Variants in ZNF678 observed in about 807,000 individuals in gnomAD.
ZNF678 encodes hypothetical protein MGC42493.
ZNF678 carries 5 observed loss-of-function variants against 3.0 expected under a neutral mutation model. The ratio of observed to expected loss-of-function variants is 1.69; its 90% CI spans 0.88 to 3.56. The LOEUF (loss-of-function observed/expected upper bound fraction) is 3.56. Among genes scored for constraint, ZNF678 ranks in the 30% most tolerant of loss-of-function variants. The probability of loss-of-function intolerance (pLI) is 0.00; values close to 1 mark genes in which losing one functional copy is unlikely to be tolerated. For missense variants in ZNF678, 593 were observed against 605.0 expected (o/e 0.98, Z 0.21); for synonymous variants, 218 against 199.6 (o/e 1.09, Z -0.78).
intron 1 of ZNF678, among the ~76,000 whole-genome samples, chr1:227,601,853 A>G (rs1215376871): frequency 6.6e-6 from 1 of 152,176 alleles, no homozygotes; most frequent in East Asian, 1.9e-4. Flanking sequence ...GTGAGCCACC[A>G]TGCCTGGCTT....
intron 1 of ZNF678, among the ~76,000 whole-genome samples, chr1:227,586,692 A>C (rs1325420117): frequency 1.3e-5 from 2 of 151,852 alleles, no homozygotes; most frequent in Non-Finnish European, 2.9e-5. Context: ...TGCAAGCACC[A>C]CTCCCTCTGT....
intron 1 of ZNF678, among the ~76,000 whole-genome samples, chr1:227,575,489 A>C (rs1656964183): frequency 6.6e-6 from 1 of 151,120 alleles, no homozygotes; most frequent in South Asian, 2.1e-4. Context: ...TAGGGATGTT[A>C]CTCTTTTTTG....
intron 1 of ZNF678, among the ~76,000 whole-genome samples, chr1:227,600,690 G>A (rs79367913): frequency 0.2 from 29,607 of 151,340 alleles, 3,050 homozygotes; most frequent in East Asian, 0.26. Flanking sequence ...TGAGACGTTT[G>A]TCAGATACAT....
intron 1 of ZNF678, among the ~76,000 whole-genome samples, chr1:227,636,303 T>G (rs1292255034): frequency 6.6e-6 from 1 of 152,200 alleles, no homozygotes; most frequent in African/African-American, 2.4e-5. Context: ...CTAGAACCGT[T>G]TTTCTGTTAT....
At chr1:227,617,897 G>T (rs1201530677) in intron 1 of ZNF678, among the ~76,000 whole-genome samples, 1 of 152,136 alleles carries the variant, frequency 6.6e-6, no homozygotes, top group African/African-American at 2.4e-5. Context: ...ATACTGGTCA[G>T]CGTCTCTCTC....
rs567104695 is a variant in ZNF678 at position 227,567,717 on chromosome 1, T to A, written c.-164+3993T>A. ...TTTTGATTTTTTATTTTTATTTTTT[T>A]ATTTTTTTTCCTCCAGAATTTTTCT... On this transcript the variant is annotated intron_variant, in intron 1 of 3. Transcript: ENST00000343776. 9.2e-5 allele frequency among the ~76,000 whole-genome samples: 14 copies of A among 152,234 alleles called. No homozygotes were observed. The East Asian group carries it at 2.1e-3, about 23-fold the overall frequency.
At position 227,655,526 on chromosome 1, in the gene ZNF678, A is replaced by G; in HGVS notation, c.1276A>G (p.Ile426Val). ...CTCTCACCTAACTAGCCATAAGAGA[A>G]TTCATACTGGAGAGAAACCCTACAA... ...QCSHLTSHKR[I>V]HTGEKPYKCK... Residue 426 changes from isoleucine (I) to valine (V), a missense_variant, in exon 4 of 4, where the codon ATT becomes GTT. Coordinates refer to ENST00000343776, the MANE Select transcript of ZNF678 (RefSeq NM_001367909.1). 2 of 1,612,764 alleles carry G rather than the reference A, an allele frequency of 1.2e-6. No individual in the cohort carries two copies. Among genetic ancestry groups the G allele is most frequent in the Non-Finnish European group, 1.7e-6 (2 of 1,179,380 alleles).
intron 1 of ZNF678, among the ~76,000 whole-genome samples, chr1:227,592,381 G>C (rs1657439366): frequency 6.6e-6 from 1 of 152,184 alleles, no homozygotes; most frequent in Admixed American, 6.5e-5. Flanking sequence ...AGACATGGGG[G>C]CCAGACTTTG....
chr1:227,629,580 A>G (rs1167512682), intron 1 of ZNF678, among the ~76,000 whole-genome samples: 4 of 152,238 alleles, frequency 2.6e-5, no homozygotes, highest in Non-Finnish European at 5.9e-5. Context: ...AGGCCGTGCC[A>G]GTGTCCAGGA....
intron 5 of ZNF678, among the ~76,000 whole-genome samples, chr1:227,669,172 CA>C (rs1422488520): frequency 6.7e-6 from 1 of 149,666 alleles, no homozygotes; most frequent in African/African-American, 2.4e-5. Context: ...CTGCATCCAA[CA>C]AAGGTCTAAT....
At chr1:227,625,281 C>T (rs1279761477) in intron 1 of ZNF678, among the ~76,000 whole-genome samples, 3 of 152,118 alleles carry the variant, frequency 2.0e-5, no homozygotes, top group African/African-American at 7.2e-5. Context: ...TCTCAGTACC[C>T]CCTCTCAACA....
chr1:227,626,014 G>A (rs1240708348), intron 1 of ZNF678, among the ~76,000 whole-genome samples: 1 of 152,150 alleles, frequency 6.6e-6, no homozygotes, highest in Admixed American at 6.5e-5. Flanking sequence ...CCTATACGAT[G>A]GGGCATCAAT....
rs1433125383 is a variant in ZNF678, at chr1:227,657,543, G to GTA, written c.*1717_*1718dup. On this transcript the variant is annotated 3_prime_UTR_variant, in exon 4 of 4. Coordinates refer to ENST00000343776, the MANE Select transcript of ZNF678 (RefSeq NM_001367909.1). ...ATAAAGGAGTATAATGAAAGGCCAT[G>GTA]TATTTTGAATCACGAATGACTATTT... 1 of 151,934 alleles carries GTA rather than the reference G, an allele frequency of 6.6e-6. No homozygotes were observed. Among genetic ancestry groups the GTA allele is most frequent in the African/African-American group, 2.4e-5 (1 of 41,418 alleles). 9.4% of individuals were successfully genotyped at this position (151,934 alleles called of 1,614,324 possible).
At chr1:227,588,908 T>C (rs1657334439) in intron 1 of ZNF678, among the ~76,000 whole-genome samples, 1 of 152,168 alleles carries the variant, frequency 6.6e-6, no homozygotes, top group Non-Finnish European at 1.5e-5. Context: ...AGCTTTTTTT[T>C]TTTTCATATG....
chr1:227,628,373 T>C (rs986340129), intron 1 of ZNF678, among the ~76,000 whole-genome samples: 1 of 152,238 alleles, frequency 6.6e-6, no homozygotes, highest in Non-Finnish European at 1.5e-5. Context: ...GGGCCTTCTT[T>C]AGGGCCTGGA....
chr1:227,600,215 G>A (rs1211695641), intron 1 of ZNF678, among the ~76,000 whole-genome samples: 9 of 152,208 alleles, frequency 5.9e-5, no homozygotes, highest in African/African-American at 2.2e-4. Context: ...TACCATTTAT[G>A]GGCATTTAGG....
At chr1:227,569,342 T>G (rs1656777732) in intron 1 of ZNF678, among the ~76,000 whole-genome samples, 1 of 152,238 alleles carries the variant, frequency 6.6e-6, no homozygotes, top group Non-Finnish European at 1.5e-5. Context: ...TATGCAAATT[T>G]TTTTTACCAG....
chr1:227,624,494 G>A (rs1263105110), intron 1 of ZNF678, among the ~76,000 whole-genome samples: 1 of 152,220 alleles, frequency 6.6e-6, no homozygotes, highest in Non-Finnish European at 1.5e-5. Flanking sequence ...ATGGCAGAGA[G>A]CATTTTTGTG....
intron 1 of ZNF678, among the ~76,000 whole-genome samples, chr1:227,642,864 C>T (rs973374647): frequency 6.6e-5 from 10 of 152,104 alleles, no homozygotes; most frequent in Admixed American, 5.2e-4. Flanking sequence ...TTTCCTGGTA[C>T]TTGGATGAAG....
Sources: allele counts gnomAD v4.1 joint callset (sites outside exome capture counted in the v4.1 genomes callset), GRCh38; gene constraint gnomAD v4.1.1; transcripts MANE v1.5; gene names NCBI Gene and HGNC (gene_info 2026-07-23, HGNC 2026-07-21).